The following CENPU variants were observed in gnomAD, a reference collection of about 807,000 sequenced individuals.
The protein encoded by CENPU is centromere protein U, also known as KSHV latent nuclear antigen interacting protein 1.
CENPU carries 46 observed loss-of-function variants against 56.7 expected under a neutral mutation model. The observed-to-expected ratio is 0.81, with a 90% CI of 0.64 to 1.04. CENPU has a LOEUF of 1.04. Ranked by LOEUF, CENPU falls within the 50% of genes least tolerant of loss-of-function variation. The pLI is 0.00. For missense variants in CENPU, 510 were observed against 490.1 expected (o/e 1.04, Z -0.38); for synonymous variants, 166 against 163.0 (o/e 1.02, Z -0.14).
chr4:184,711,979 G>A (rs1019094897), intron 7 of CENPU, among the ~76,000 whole-genome samples: 3 of 151,944 alleles, frequency 2.0e-5, no homozygotes, highest in African/African-American at 7.3e-5. Flanking sequence ...AAATTAGCCG[G>A]GCATGGTGGC....
chr4:184,694,442 A>G lies in CENPU; in HGVS notation c.*846T>C, dbSNP rs1214308173. ...CTGTCACTTAATACCTTACTTCAAC[A>G]TAGAGTATAAGGTTAAATCACATAT... On this transcript the variant is annotated 3_prime_UTR_variant, in exon 13 of 13. Transcript: ENST00000281453. 4 of 1,506,396 alleles carry G rather than the reference A, an allele frequency of 2.7e-6. No individual in the cohort carries two copies. Among genetic ancestry groups the G allele is most frequent in the Admixed American group, 2.1e-5 (1 of 46,544 alleles). The allele number at this position is 1,506,396 out of a possible 1,614,324, so 93.3% of individuals were successfully genotyped here. A position where few individuals can be genotyped will look rare whatever the true frequency, so the allele number is the denominator to read the frequency against.
intron 1 of CENPU, among the ~76,000 whole-genome samples, chr4:184,731,459 C>T (rs1044498738): frequency 2.0e-5 from 3 of 152,234 alleles, no homozygotes; most frequent in South Asian, 2.1e-4. Flanking sequence ...CCTCGACCTC[C>T]CTTGACACTC....
intron 2 of CENPU, among the ~76,000 whole-genome samples, chr4:184,729,638 G>A (rs952775532): frequency 6.6e-6 from 1 of 152,226 alleles, no homozygotes; most frequent in Non-Finnish European, 1.5e-5. Context: ...TGGCCCATGG[G>A]CCAGTTTGCC....
In CENPU at chr4:184,716,920, T is replaced by G. The variant is rs976086077; in HGVS notation, c.381+216A>C. 2.6e-5 allele frequency among the ~76,000 whole-genome samples: 4 copies of G among 152,212 alleles called. No homozygotes were observed. The East Asian group carries it at 7.7e-4, about 29-fold the overall frequency. ...AAGTACATAGAGATGTGAGACCTCTTTAATGAAAAACACTTCAGTTACAAA... is the reference window on the plus strand; with the variant it reads ...AAGTACATAGAGATGTGAGACCTCTGTAATGAAAAACACTTCAGTTACAAA... On this transcript the variant is annotated intron_variant, in intron 5 of 12. Transcript: ENST00000281453.
At chr4:184,700,081 C>T (rs899585289) in intron 11 of CENPU, among the ~76,000 whole-genome samples, 3 of 152,218 alleles carry the variant, frequency 2.0e-5, no homozygotes, top group Non-Finnish European at 2.9e-5. Flanking sequence ...CAGGAGCAGA[C>T]ACCACATCTA....
intron 1 of CENPU, among the ~76,000 whole-genome samples, chr4:184,731,819 C>T (rs564905450): frequency 6.6e-6 from 1 of 151,432 alleles, no homozygotes; most frequent in South Asian, 2.1e-4. Context: ...GATATAATTT[C>T]AAGCTCACAG....
In CENPU at chr4:184,710,121, C is replaced by T. The variant is rs1579771369; in HGVS notation, c.748G>A (p.Glu250Lys). 6.2e-7 allele frequency: 1 copy of T among 1,612,074 alleles called. No homozygotes were observed. Among genetic ancestry groups the T allele is most frequent in the South Asian group, 1.1e-5 (1 of 90,596 alleles). ...AATTCAGGCAAAACAATATTCAACTCCTTGATGTCACTGGTTTTCATTCCT... is the reference window on the plus strand; with the variant it reads ...AATTCAGGCAAAACAATATTCAACTTCTTGATGTCACTGGTTTTCATTCCT... ...PEGMKTSDIK[E>K]LNIVLPEFEK... The change falls in exon 8 of 13, where the codon GAG becomes AAG. Residue 250 changes from glutamate to lysine, a missense_variant. Transcript: ENST00000281453.
chr4:184,696,284 T>C (rs1386341057), intron 12 of CENPU, among the ~76,000 whole-genome samples: 1 of 152,204 alleles, frequency 6.6e-6, no homozygotes, highest in African/African-American at 2.4e-5. Flanking sequence ...ACTAAATGTT[T>C]AGAGTAAGAC....
chr4:184,716,640 GAAAGA>G lies in CENPU; in HGVS notation c.382-12_382-8del, dbSNP rs767365593. ...GCCTGAGCTTTCTTCCTGGCTGTGT[GAAAGA>G]AAAAACAGCAGTACTTATGTAGAAA... On this transcript the variant is annotated splice_region_variant and splice_polypyrimidine_tract_variant and intron_variant, in intron 5 of 12. Coordinates refer to ENST00000281453, the MANE Select transcript of CENPU (RefSeq NM_024629.4). 1 of 1,600,972 alleles carries G rather than the reference GAAAGA, an allele frequency of 6.2e-7. No homozygotes were observed. The highest frequency in any genetic ancestry group is 8.5e-7 in the Non-Finnish European group (1 of 1,172,576).
chr4:184,696,687 CAT>C lies in CENPU; in HGVS notation c.1143+958_1143+959del, dbSNP rs561281183. 1.6e-3 allele frequency among the ~76,000 whole-genome samples: 230 copies of C among 142,732 alleles called. 2 individuals are homozygous for C. The highest frequency in any genetic ancestry group is 0.016 in the South Asian group (74 of 4,676). 93.6% of individuals were successfully genotyped at this position (142,732 alleles called of 152,430 possible). A position where few individuals can be genotyped will look rare whatever the true frequency, so the allele number is the denominator to read the frequency against. On this transcript the variant is annotated intron_variant, in intron 12 of 12. Transcript: ENST00000281453. ...CTGATCATAAAATATGTATACATTA[CAT>C]ATATATATATTATATAAAATTATAT...
At chr4:184,731,035 A>T in intron 1 of CENPU, 67 bp from the exon 2 acceptor site, 1 of 1,168,874 alleles carries the variant, frequency 8.6e-7, no homozygotes, top group Non-Finnish European at 1.2e-6. Context: ...CACCATAGTT[A>T]TGACCCTTTC....
chr4:184,733,487 ACG>A (rs1761729342), intron 1 of CENPU: 1 of 880,832 alleles, frequency 1.1e-6, no homozygotes, highest in Non-Finnish European at 1.4e-6. Context: ...AACCGACCAA[ACG>A]CTCGCTTTCT....
chr4:184,702,432 T>C lies in CENPU; in HGVS notation c.807A>G (p.Ile269Met), dbSNP rs779200917. 5 of 1,609,304 alleles carry C rather than the reference T, an allele frequency of 3.1e-6. No individual in the cohort carries two copies. The African/African-American group carries it at 4.0e-5, about 13-fold the overall frequency. Residue 269 changes from isoleucine (I) to methionine (M), a missense_variant, in exon 9 of 13, where the codon ATA (isoleucine) becomes ATG (methionine). Coordinates refer to ENST00000281453, the MANE Select transcript of CENPU (RefSeq NM_024629.4). Reference protein sequence around the residue: ...EKTHLEHQQRIESKVCKAAIA... With the variant: ...EKTHLEHQQRMESKVCKAAIA... The stretch of plus-strand genomic sequence containing the variant: ...TGGCTGCCTTACAAACTTTAGATTC[T>C]ATTCTTTGTCTGTAGAGGAATTAAA...
intron 9 of CENPU, 49 bp downstream of exon 9, chr4:184,702,314 G>A (rs201399846): frequency 1.3e-6 from 2 of 1,527,062 alleles, no homozygotes; most frequent in Admixed American, 3.4e-5. Context: ...GCTGCTACAG[G>A]ATTAGTGAAA....
rs1023668348 is a variant in CENPU, at chr4:184,733,364, T to C, written c.47+652A>G. The C allele has an allele frequency of 5.1e-6, 5 of 987,960 alleles. No individual in the cohort carries two copies. The East Asian group carries it at 5.7e-4, about 112-fold the overall frequency. The allele number at this position is 987,960 out of a possible 1,614,324, so 61.2% of individuals were successfully genotyped here. A position where few individuals can be genotyped will look rare whatever the true frequency, so the allele number is the denominator to read the frequency against. On this transcript the variant is annotated intron_variant, in intron 1 of 12. Coordinates refer to ENST00000281453, the MANE Select transcript of CENPU (RefSeq NM_024629.4). ...GTTCTCTTCAGATCGTCTTGGCGTATGGCTTTGTGCACCGTCTGCAGCAAG... is the reference window on the plus strand; with the variant it reads ...GTTCTCTTCAGATCGTCTTGGCGTACGGCTTTGTGCACCGTCTGCAGCAAG...
chr4:184,708,871 G>A (rs61653735), intron 8 of CENPU, among the ~76,000 whole-genome samples: 27,083 of 152,072 alleles, frequency 0.18, 2,702 homozygotes, highest in African/African-American at 0.26. Context: ...ATACCTAAGT[G>A]AATTTTGTTG....
At chr4:184,708,578 TTCA>T (rs1760810681) in intron 8 of CENPU, among the ~76,000 whole-genome samples, 1 of 152,004 alleles carries the variant, frequency 6.6e-6, no homozygotes, top group Non-Finnish European at 1.5e-5. Context: ...ACAGATCACA[TTCA>T]AAGAAATAAG....
At chr4:184,728,861 C>T in intron 3 of CENPU, 57 bp downstream of exon 3, 2 of 1,217,148 alleles carry the variant, frequency 1.6e-6, no homozygotes, top group Non-Finnish European at 2.4e-6. Flanking sequence ...TTTATTATAT[C>T]TGGCCTAAAT....
chr4:184,702,171 T>G (rs751753608), intron 9 of CENPU, 35 bp from the exon 10 acceptor site: 3 of 1,511,242 alleles, frequency 2.0e-6, no homozygotes, highest in Non-Finnish European at 2.7e-6. Context: ...GTACATCAGT[T>G]TCCAAAAGTA....
Sources: allele counts gnomAD v4.1 joint callset (sites outside exome capture counted in the v4.1 genomes callset), GRCh38; gene constraint gnomAD v4.1.1; transcripts MANE v1.5; gene names NCBI Gene and HGNC (gene_info 2026-07-23, HGNC 2026-07-21).